TBCCD1: variants seen among roughly 807,000 people sequenced by gnomAD.
TBCCD1 encodes TBCC domain-containing protein 1.
A neutral mutation model predicts 53.4 loss-of-function variants in TBCCD1; 26 were observed. The observed-to-expected ratio is 0.49, with a 90% CI of 0.36 to 0.68. The LOEUF (loss-of-function observed/expected upper bound fraction) is 0.68, where lower values mean the gene tolerates loss of function less well. TBCCD1 is among the 30% of genes least tolerant of loss of function. The pLI, the probability that TBCCD1 is intolerant of heterozygous loss-of-function variation, is 0.00. For synonymous variants in TBCCD1, 245 were observed against 241.7 expected, an observed-to-expected ratio of 1.01 and a Z score of -0.13; for missense variants, 558 against 669.5, an observed-to-expected ratio of 0.83 and a Z score of 1.84.
At chr3:186,547,845 G>C (rs1170219281) in intron 7 of TBCCD1, among the ~76,000 whole-genome samples, 1 of 151,774 alleles carries the variant, frequency 6.6e-6, no homozygotes, top group Non-Finnish European at 1.5e-5. Context: ...CTGACCTCGT[G>C]ATCCACCCGT....
chr3:186,564,425 A>C (rs1038055769), intron 1 of TBCCD1, 53 bp from the exon 2 acceptor site: 2 of 1,269,412 alleles, frequency 1.6e-6, no homozygotes, highest in Non-Finnish European at 2.1e-6. Flanking sequence ...TCATTTATGC[A>C]TTTTTTCTTG....
At chr3:186,556,143 A>G (rs1267410165) in intron 4 of TBCCD1, among the ~76,000 whole-genome samples, 2 of 152,330 alleles carry the variant, frequency 1.3e-5, no homozygotes, top group East Asian at 3.9e-4. Context: ...TTACACATGT[A>G]CCAGGTACAT....
upstream of TBCCD1, chr3:186,569,974 T>C (rs1329757706): frequency 3.5e-6 from 2 of 575,964 alleles, no homozygotes; most frequent in Non-Finnish European, 6.3e-6. Context: ...GTTGCCTGCT[T>C]ACTATACGCC....
intron 2 of TBCCD1, 86 bp downstream of exon 2, chr3:186,563,908 T>G: frequency 7.0e-7 from 1 of 1,432,330 alleles, no homozygotes; most frequent in Non-Finnish European, 9.3e-7. Flanking sequence ...TATCTAAAAA[T>G]TGTAATAAGC....
At chr3:186,563,866 C>A in intron 2 of TBCCD1, 128 bp downstream of exon 2, 3 of 1,184,346 alleles carry the variant, frequency 2.5e-6, no homozygotes, top group Non-Finnish European at 2.3e-6. Context: ...GAGTTCAAGA[C>A]CAGCCTGGGC....
In TBCCD1 at chr3:186,556,500, C is replaced by T. The variant is rs1469916793; in HGVS notation, c.768G>A (p.Leu256=). Residue 256 remains leucine (L), a synonymous_variant, in exon 4 of 8, where the codon CTG becomes CTA. Transcript: ENST00000338733. ...TCAAACAGGACCTCAACCAGGTTTC[C>T]AGTTTGTAGAAAGAGAAAGTCTTAG... ...KISKTFSFYK[L]ETWLRSCLTG... is the part of the protein sequence containing the mutation. 6.2e-7 allele frequency: 1 copy of T among 1,609,518 alleles called. No individual in the cohort carries two copies. The highest frequency in any genetic ancestry group is 1.7e-5 in the Admixed American group (1 of 58,812).
chr3:186,557,216 T>A (rs577030690), intron 3 of TBCCD1, among the ~76,000 whole-genome samples: 1 of 152,344 alleles, frequency 6.6e-6, no homozygotes, highest in South Asian at 2.1e-4. Context: ...ATGCAATAAG[T>A]CCCATGCTAA....
upstream of TBCCD1, among the ~76,000 whole-genome samples, chr3:186,567,887 C>A (rs561646413): frequency 2.0e-5 from 3 of 152,342 alleles, no homozygotes; most frequent in South Asian, 6.2e-4. Flanking sequence ...CTCCTTAACT[C>A]TGTTAGCTTT....
upstream of TBCCD1, among the ~76,000 whole-genome samples, chr3:186,569,152 G>A (rs924768223): frequency 2.6e-5 from 4 of 152,028 alleles, no homozygotes; most frequent in Non-Finnish European, 1.5e-5. Context: ...AAAAAGAAAG[G>A]AAGCAAGTTT....
At chr3:186,558,224 C>T (rs1423716942) in intron 3 of TBCCD1, among the ~76,000 whole-genome samples, 193 bp downstream of exon 3, 1 of 152,074 alleles carries the variant, frequency 6.6e-6, no homozygotes, top group Non-Finnish European at 1.5e-5. Context: ...GAAGGCACTG[C>T]AACCAGTTCT....
chr3:186,565,013 T>C (rs1714786573), intron 1 of TBCCD1, among the ~76,000 whole-genome samples: 1 of 152,094 alleles, frequency 6.6e-6, no homozygotes, highest in Non-Finnish European at 1.5e-5. Flanking sequence ...ATGATTTTTA[T>C]GGAATATTTA....
chr3:186,550,028 A>G (rs956670913), intron 7 of TBCCD1, among the ~76,000 whole-genome samples: 3 of 152,014 alleles, frequency 2.0e-5, no homozygotes, highest in African/African-American at 7.3e-5. Flanking sequence ...GGAGTTCAAG[A>G]TCAGCCCAGC....
upstream of TBCCD1, among the ~76,000 whole-genome samples, chr3:186,568,647 T>C (rs1369559990): frequency 6.6e-6 from 1 of 152,096 alleles, no homozygotes; most frequent in Non-Finnish European, 1.5e-5. Flanking sequence ...ATGCCTATAA[T>C]CCCAGCAGTT....
chr3:186,569,921 GA>G (rs1168653272), upstream of TBCCD1, among the ~76,000 whole-genome samples: 2 of 152,182 alleles, frequency 1.3e-5, no homozygotes, highest in Non-Finnish European at 2.9e-5. Flanking sequence ...GGAAGATGGG[GA>G]ATCAAAGAGT....
chr3:186,551,082 G>C, intron 7 of TBCCD1, 47 bp downstream of exon 7: 1 of 1,560,506 alleles, frequency 6.4e-7, no homozygotes, highest in South Asian at 1.2e-5. Flanking sequence ...TTTTATGCTT[G>C]AAAGATTTCC....
chr3:186,555,875 G>C (rs972636209), intron 4 of TBCCD1, among the ~76,000 whole-genome samples: 9 of 151,990 alleles, frequency 5.9e-5, no homozygotes, highest in Non-Finnish European at 5.9e-5. Context: ...TTACTCCTAA[G>C]ATCATTACTA....
At chr3:186,556,959 C>T (rs1010026781) in intron 3 of TBCCD1, among the ~76,000 whole-genome samples, 184 bp from the exon 4 acceptor site, 2 of 152,096 alleles carry the variant, frequency 1.3e-5, no homozygotes, top group African/African-American at 4.8e-5. Flanking sequence ...CTTAGAATTC[C>T]AGTTCATTAA....
intron 7 of TBCCD1, among the ~76,000 whole-genome samples, chr3:186,549,277 G>A (rs1266481481): frequency 6.6e-6 from 1 of 152,080 alleles, no homozygotes; most frequent in Non-Finnish European, 1.5e-5. Flanking sequence ...GACAGAGTGA[G>A]ACTCCATCTC....
Position 186,549,302 on chromosome 3 carries a change from A to T in TBCCD1, c.*21+1827T>A, listed in dbSNP as rs187934886. On this transcript the variant is annotated intron_variant, in intron 7 of 7. Transcript: ENST00000338733. ...GACTCCATCTCAAAAATAAATAAAT[A>T]AATTAATTAATTAATTAATTGATCC... 4.6e-3 allele frequency among the ~76,000 whole-genome samples: 700 copies of T among 152,222 alleles called. 2 individuals carry two copies. The highest frequency in any genetic ancestry group is 7.5e-3 in the African/African-American group (313 of 41,516).
Sources: allele counts gnomAD v4.1 joint callset (sites outside exome capture counted in the v4.1 genomes callset), GRCh38; gene constraint gnomAD v4.1.1; transcripts MANE v1.5; gene names NCBI Gene and HGNC (gene_info 2026-07-23, HGNC 2026-07-21).